MAP3K8: variants seen among roughly 807,000 people sequenced by gnomAD.
MAP3K8 encodes mitogen-activated protein kinase kinase kinase 8.
Under a neutral mutation model 45.8 loss-of-function variants are expected in MAP3K8, and 22 were observed. That is an observed-to-expected ratio of 0.48 (90% CI 0.34 to 0.69). The LOEUF (loss-of-function observed/expected upper bound fraction) is 0.69. MAP3K8 is among the 30% of genes least tolerant of loss of function. MAP3K8 has a pLI of 0.01. For missense variants in MAP3K8, 419 were observed against 585.0 expected (o/e 0.72, Z 2.93); for synonymous variants, 223 against 214.3 (o/e 1.04, Z -0.36).
intron 3 of MAP3K8, among the ~76,000 whole-genome samples, chr10:30,441,590 G>A (rs1210419749): frequency 6.6e-6 from 1 of 152,122 alleles, no homozygotes; most frequent in Non-Finnish European, 1.5e-5. Flanking sequence ...AAGAGAATAA[G>A]AGGAGGACCT....
At chr10:30,448,622 C>T (rs936694421) in intron 4 of MAP3K8, among the ~76,000 whole-genome samples, 5 of 151,826 alleles carry the variant, frequency 3.3e-5, no homozygotes, top group African/African-American at 4.8e-5. Context: ...TCAGTAGAGA[C>T]GGGTTTCACC....
rs765256009 is a variant in MAP3K8 at position 30,459,315 on chromosome 10, G to C, written c.1087G>C (p.Glu363Gln). 6.2e-7 allele frequency: 1 copy of C among 1,614,148 alleles called. No individual in the cohort carries two copies. ...AGATGACTGCAGTCCAGGGATGAGA[G>C]AGCTGATAGAAGCTTCCCTGGAGAG... ...IADDCSPGMRELIEASLERNP... is the reference protein window; with the variant it reads ...IADDCSPGMRQLIEASLERNP... The change falls in exon 8 of 9, where the codon GAG (glutamate) becomes CAG (glutamine). Residue 363 changes from glutamate (E) to glutamine (Q), a missense_variant. Glu to Gln is a conservative substitution (Grantham distance 29). Transcript: ENST00000263056.
At chr10:30,436,972 C>A (rs1394944789) in intron 1 of MAP3K8, among the ~76,000 whole-genome samples, 2 of 151,816 alleles carry the variant, frequency 1.3e-5, no homozygotes, top group African/African-American at 4.8e-5. Context: ...AAACCGAAGT[C>A]AAATGTTCCT....
At chr10:30,458,363 C>A in intron 7 of MAP3K8, 127 bp downstream of exon 7, 1 of 549,416 alleles carries the variant, frequency 1.8e-6, no homozygotes, top group Non-Finnish European at 2.9e-6. Flanking sequence ...GGTGAAATGA[C>A]AGGTAGCTAC....
At chr10:30,439,517 G>A in intron 3 of MAP3K8, 1 of 948,224 alleles carries the variant, frequency 1.1e-6, no homozygotes, top group Non-Finnish European at 1.5e-6. Context: ...TAATTAAGAA[G>A]AATGTATTTT....
At chr10:30,452,840 TA>T (rs1316857111) in intron 6 of MAP3K8, among the ~76,000 whole-genome samples, 1 of 80,556 alleles carries the variant, frequency 1.2e-5, no homozygotes, top group African/African-American at 4.8e-5. Context: ...CACATCCAGC[TA>T]ATTTTTTTTT....
chr10:30,434,842 AC>A, intron 1 of MAP3K8: 1 of 934,832 alleles, frequency 1.1e-6, no homozygotes, highest in Non-Finnish European at 1.3e-6. Flanking sequence ...GACTTAGAGA[AC>A]CAGGAGGAAA....
chr10:30,453,515 G>A (rs766906638), intron 6 of MAP3K8, among the ~76,000 whole-genome samples: 7 of 152,108 alleles, frequency 4.6e-5, no homozygotes, highest in African/African-American at 7.2e-5. Context: ...AAATGCGTTC[G>A]CGGGCTTCCA....
intron 8 of MAP3K8, among the ~76,000 whole-genome samples, chr10:30,459,711 G>A (rs1009452476): frequency 6.6e-6 from 1 of 151,920 alleles, no homozygotes; most frequent in African/African-American, 2.4e-5. Context: ...CAGATTTTCA[G>A]TGCAAGTGTA....
intron 1 of MAP3K8, among the ~76,000 whole-genome samples, chr10:30,436,807 C>CT (rs11428120): frequency 0.67 from 99,541 of 147,688 alleles, 33,624 homozygotes; most frequent in Non-Finnish European, 0.69. Flanking sequence ...GTACTGAGAA[C>CT]TTTTTTTTTT....
intron 3 of MAP3K8, 23 bp from the exon 4 acceptor site, chr10:30,447,759 C>T: frequency 1.2e-6 from 2 of 1,606,988 alleles, no homozygotes; most frequent in Non-Finnish European, 1.7e-6. Flanking sequence ...TTCTCACCGT[C>T]TCACATTTTT....
chr10:30,436,532 GGGTTTTACATATAAATGCCTGA>G (rs1835913969), intron 1 of MAP3K8, among the ~76,000 whole-genome samples: 1 of 151,924 alleles, frequency 6.6e-6, no homozygotes, highest in Non-Finnish European at 1.5e-5. Flanking sequence ...TCAAGCTCTT[GGGTTTTACATATAAATGCCTGA>G]GACTTTTCTG....
At chr10:30,451,282 A>G (rs1185832921) in intron 5 of MAP3K8, among the ~76,000 whole-genome samples, 1 of 152,180 alleles carries the variant, frequency 6.6e-6, no homozygotes, top group African/African-American at 2.4e-5. Context: ...CCAGTACTAA[A>G]TTAGAGTGGC....
intron 5 of MAP3K8, chr10:30,450,735 A>G: frequency 1.8e-6 from 1 of 557,794 alleles, no homozygotes; most frequent in Non-Finnish European, 3.2e-6. Context: ...ACAGTTGTTG[A>G]AAGGTTATAG....
Position 30,434,366 on chromosome 10 carries a change from G to T in MAP3K8, c.-267G>T. 1 of 828,584 alleles carries T rather than the reference G, an allele frequency of 1.2e-6. No homozygotes were observed. Among genetic ancestry groups the T allele is most frequent in the Non-Finnish European group, 1.5e-6 (1 of 686,574 alleles). 51.3% of individuals were successfully genotyped at this position (828,584 alleles called of 1,614,324 possible). ...TGGAGCGCTCGGCCGGCGTGGGAGC[G>T]CCAAGGCCGCAGGTAATCCAGGGTT... On this transcript the variant is annotated 5_prime_UTR_variant, in exon 1 of 9. Transcript: ENST00000263056.
chr10:30,457,617 A>T (rs1836781157), intron 6 of MAP3K8, among the ~76,000 whole-genome samples: 2 of 152,156 alleles, frequency 1.3e-5, no homozygotes, highest in African/African-American at 4.8e-5. Context: ...TTGCCACCAG[A>T]TCAACCAGAA....
At chr10:30,450,558 G>C (rs757025327) in intron 5 of MAP3K8, 39 bp downstream of exon 5, 3 of 1,597,480 alleles carry the variant, frequency 1.9e-6, no homozygotes, top group Non-Finnish European at 2.6e-6. Context: ...GGCTCAAAGA[G>C]ACTAGTTATT....
chr10:30,457,179 G>T (rs544359548), intron 6 of MAP3K8, among the ~76,000 whole-genome samples: 3 of 151,786 alleles, frequency 2.0e-5, no homozygotes, highest in Non-Finnish European at 2.9e-5. Flanking sequence ...ATAAATGCTC[G>T]TTAGAGAAAC....
intron 3 of MAP3K8, among the ~76,000 whole-genome samples, chr10:30,440,774 C>A (rs8177052): frequency 0.068 from 10,318 of 151,618 alleles, 487 homozygotes; most frequent in Middle Eastern, 0.12. Context: ...TCATTTTTAA[C>A]GTATTTATTT....
Sources: gnomAD v4.1 joint callset for allele counts (sites outside exome capture counted in the v4.1 genomes callset) on GRCh38, gnomAD v4.1.1 for gene constraint, MANE v1.5 for transcripts, NCBI Gene and HGNC (gene_info 2026-07-23, HGNC 2026-07-21) for gene names.